The following PTPRT variants were observed in gnomAD, a reference collection of about 807,000 sequenced individuals.
The protein encoded by PTPRT is receptor-type tyrosine-protein phosphatase T.
PTPRT carries 56 observed loss-of-function variants against 176.8 expected under a neutral mutation model. The observed-to-expected ratio is 0.32, with a 90% CI of 0.26 to 0.40. The LOEUF (loss-of-function observed/expected upper bound fraction) is 0.40, where lower values mean the gene tolerates loss of function less well. PTPRT is among the 10% of genes least tolerant of loss of function. PTPRT has a pLI of 1.00. For missense variants in PTPRT, 1,540 were observed against 1,908.2 expected, an observed-to-expected ratio of 0.81 and a Z score of 3.60; for synonymous variants, 783 against 739.0, an observed-to-expected ratio of 1.06 and a Z score of -0.96.
chr20:42,580,032 T>A (rs544104768), intron 7 of PTPRT, among the ~76,000 whole-genome samples: 1 of 152,330 alleles, frequency 6.6e-6, no homozygotes, highest in Admixed American at 6.5e-5. Flanking sequence ...TTTTTATGGC[T>A]TTAGGTCTAA....
intron 7 of PTPRT, among the ~76,000 whole-genome samples, chr20:42,500,552 T>C (rs956137207): frequency 7.9e-5 from 12 of 152,122 alleles, no homozygotes; most frequent in South Asian, 6.2e-4. Flanking sequence ...TTTTGCTTCC[T>C]TTCCAGTAAT....
intron 9 of PTPRT, among the ~76,000 whole-genome samples, chr20:42,402,483 T>TAAA (rs3061921): frequency 3.2e-5 from 3 of 95,150 alleles, no homozygotes; most frequent in African/African-American, 1.2e-4. Flanking sequence ...ATAGTGCAGT[T>TAAA]AAAAAAAAAA....
intron 7 of PTPRT, among the ~76,000 whole-genome samples, chr20:42,603,354 G>T (rs73106455): frequency 1.3e-5 from 2 of 152,262 alleles, no homozygotes; most frequent in East Asian, 3.9e-4. Context: ...AGATCCAGGG[G>T]GCTAGGGGTG....
intron 16 of PTPRT, among the ~76,000 whole-genome samples, chr20:42,183,184 G>C (rs1415903373): frequency 3.9e-5 from 6 of 152,062 alleles, no homozygotes; most frequent in Non-Finnish European, 7.4e-5. Flanking sequence ...CGAGACCCCA[G>C]TTCCTGCTTA....
At chr20:42,469,860 G>A (rs375937358) in intron 8 of PTPRT, among the ~76,000 whole-genome samples, 1 of 152,128 alleles carries the variant, frequency 6.6e-6, no homozygotes, top group East Asian at 1.9e-4. Context: ...GGGGCAGGGT[G>A]AGAAGAGGCT....
At chr20:42,959,575 AC>A (rs1158045359) in intron 1 of PTPRT, among the ~76,000 whole-genome samples, 3 of 152,170 alleles carry the variant, frequency 2.0e-5, no homozygotes, top group Non-Finnish European at 4.4e-5. Context: ...ACTGGCCTCC[AC>A]CATACAATAA....
At chr20:42,523,760 C>A (rs2072219739) in intron 7 of PTPRT, among the ~76,000 whole-genome samples, 2 of 151,352 alleles carry the variant, frequency 1.3e-5, no homozygotes, top group Non-Finnish European at 2.9e-5. Flanking sequence ...CATTTTTTAC[C>A]CTCTCTTTAA....
intron 7 of PTPRT, among the ~76,000 whole-genome samples, chr20:42,510,807 A>G: frequency 6.6e-6 from 1 of 152,172 alleles, no homozygotes; most frequent in Non-Finnish European, 1.5e-5. Flanking sequence ...CAGAGAAGCA[A>G]TAAAAATTTA....
intron 1 of PTPRT, among the ~76,000 whole-genome samples, chr20:42,895,396 G>A (rs2079277639): frequency 6.6e-6 from 1 of 152,142 alleles, no homozygotes; most frequent in African/African-American, 2.4e-5. Flanking sequence ...CTTCTTATAG[G>A]CCTTGTCTCC....
At chr20:42,561,429 G>T (rs1332805797) in intron 7 of PTPRT, among the ~76,000 whole-genome samples, 1 of 152,198 alleles carries the variant, frequency 6.6e-6, no homozygotes, top group Non-Finnish European at 1.5e-5. Flanking sequence ...CAATGACACT[G>T]CTCTGCTGTC....
intron 12 of PTPRT, among the ~76,000 whole-genome samples, chr20:42,292,699 G>C (rs2057335860): frequency 6.6e-6 from 1 of 152,150 alleles, no homozygotes. Context: ...GGCACACAAA[G>C]ACAATGGGGC....
intron 16 of PTPRT, among the ~76,000 whole-genome samples, chr20:42,169,948 G>A (rs1990008731): frequency 6.6e-6 from 1 of 152,080 alleles, no homozygotes; most frequent in Non-Finnish European, 1.5e-5. Context: ...AAGGTGTTCC[G>A]ATACCTTTTG....
intron 7 of PTPRT, among the ~76,000 whole-genome samples, chr20:42,588,878 G>T (rs2073518835): frequency 6.6e-6 from 1 of 152,138 alleles, no homozygotes; most frequent in African/African-American, 2.4e-5. Context: ...TCTGAAGGTA[G>T]GCCCTACTAC....
chr20:42,665,102 A>AT (rs1173045858), intron 7 of PTPRT, among the ~76,000 whole-genome samples: 1 of 152,042 alleles, frequency 6.6e-6, no homozygotes, highest in African/African-American at 2.4e-5. Flanking sequence ...GACAAATGGG[A>AT]TCTAATTAAA....
chr20:42,248,638 G>A, intron 14 of PTPRT, 49 bp downstream of exon 14: 1 of 1,604,248 alleles, frequency 6.2e-7, no homozygotes, highest in Non-Finnish European at 8.5e-7. Flanking sequence ...CAGCAGTGTT[G>A]AGGTCACCTC....
intron 7 of PTPRT, among the ~76,000 whole-genome samples, chr20:42,676,729 AG>A (rs1319990268): frequency 2.0e-5 from 3 of 152,214 alleles, no homozygotes; most frequent in Non-Finnish European, 2.9e-5. Flanking sequence ...TTACAGCAAA[AG>A]TTTACTTGGT....
At chr20:42,768,385 C>T (rs1028312722) in intron 5 of PTPRT, among the ~76,000 whole-genome samples, 25 of 152,164 alleles carry the variant, frequency 1.6e-4, no homozygotes, top group African/African-American at 6.0e-4. Flanking sequence ...GTGAAACTCA[C>T]TTGTGTGCCC....
chr20:42,127,956 T>C (rs1203971266), intron 19 of PTPRT, among the ~76,000 whole-genome samples: 1 of 152,324 alleles, frequency 6.6e-6, no homozygotes, highest in East Asian at 1.9e-4. Context: ...ACCTCCTTGA[T>C]AAAAAATTTT....
intron 7 of PTPRT, among the ~76,000 whole-genome samples, chr20:42,654,939 T>C (rs1343740670): frequency 1.3e-5 from 2 of 152,236 alleles, no homozygotes; most frequent in Non-Finnish European, 2.9e-5. Flanking sequence ...TGCATTAATG[T>C]TATATGCATT....
Sources: allele counts gnomAD v4.1 joint callset (sites outside exome capture counted in the v4.1 genomes callset), GRCh38; gene constraint gnomAD v4.1.1; transcripts MANE v1.5; gene names NCBI Gene and HGNC (gene_info 2026-07-23, HGNC 2026-07-21).